ATR: variants seen among roughly 807,000 people sequenced by gnomAD.
The protein encoded by ATR is serine/threonine-protein kinase ATR.
ATR carries 142 observed loss-of-function variants against 305.3 expected under a neutral mutation model. The observed-to-expected ratio is 0.47, with a 90% CI of 0.41 to 0.53. The LOEUF (loss-of-function observed/expected upper bound fraction) is 0.53, where lower values mean the gene tolerates loss of function less well. Among genes scored for constraint, ATR ranks in the 20% least tolerant of loss-of-function variants. The pLI is 0.00. For synonymous variants in ATR, 1,050 were observed against 1,068.1 expected (o/e 0.98, Z 0.33); for missense variants, 2,135 against 3,133.1 (o/e 0.68, Z 7.60).
In ATR at chr3:142,513,658, A is replaced by G. The variant is rs778422870; in HGVS notation, c.4504-20T>C. 7.4e-6 allele frequency: 12 copies of G among 1,611,610 alleles called. No individual in the cohort carries two copies. The South Asian group carries it at 1.3e-4, about 18-fold the overall frequency. On this transcript the variant is annotated intron_variant, in intron 25 of 46. Coordinates refer to ENST00000350721, the MANE Select transcript of ATR (RefSeq NM_001184.4). ...TCGAACCTGTAAATGCAAAATGTGT[A>G]GACAGTAACACACTTTCACATATTG...
intron 16 of ATR, among the ~76,000 whole-genome samples, chr3:142,542,985 T>C (rs1452547253): frequency 1.3e-5 from 2 of 152,174 alleles, no homozygotes. Flanking sequence ...CGAAAAAATA[T>C]GATTAAACAG....
chr3:142,536,328 C>T, intron 19 of ATR, 127 bp from the exon 20 acceptor site: 2 of 689,478 alleles, frequency 2.9e-6, no homozygotes. Context: ...TACTGAGCTG[C>T]AAAGTATTTT....
chr3:142,532,281 T>C lies in ATR; in HGVS notation c.3945+2799A>G, dbSNP rs368724203. 8.5e-5 allele frequency among the ~76,000 whole-genome samples: 13 copies of C among 152,368 alleles called. No homozygotes were observed. In the East Asian group the frequency reaches 2.1e-3, roughly 25 times the overall value. ...ATTTTCAATAGCCTCTTCTCTTATG[T>C]GTAAACGTTAGTAAATGTCATTTTA... On this transcript the variant is annotated intron_variant, in intron 21 of 46. Transcript: ENST00000350721.
chr3:142,499,446 C>A (rs2031832747), intron 31 of ATR, among the ~76,000 whole-genome samples, 181 bp downstream of exon 31: 2 of 152,072 alleles, frequency 1.3e-5, no homozygotes, highest in African/African-American at 4.8e-5. Context: ...AGGCGCGTGC[C>A]ACCACGCCCA....
At position 142,559,454 on chromosome 3, in the gene ATR, C is replaced by T. The variant is rs781061193; in HGVS notation, c.1542-13G>A. The T allele has an allele frequency of 2.5e-6, 4 of 1,610,506 alleles. No homozygotes were observed. Among genetic ancestry groups the T allele is most frequent in the Non-Finnish European group, 3.4e-6 (4 of 1,177,550 alleles). On this transcript the variant is annotated splice_polypyrimidine_tract_variant and intron_variant, in intron 6 of 46. Transcript: ENST00000350721. The stretch of plus-strand genomic sequence containing the variant: ...CTTGAAAGTACGGCTGCAGTAAGTA[C>T]ATTTTGTTAAAAACATTGGAATTAA...
intron 36 of ATR, among the ~76,000 whole-genome samples, chr3:142,477,701 G>A (rs1020281980): frequency 6.6e-6 from 1 of 152,120 alleles, no homozygotes; most frequent in African/African-American, 2.4e-5. Flanking sequence ...GGTAGAATTC[G>A]GCTGTGAATC....
At chr3:142,534,587 T>G (rs2033784312) in intron 21 of ATR, among the ~76,000 whole-genome samples, 1 of 152,150 alleles carries the variant, frequency 6.6e-6, no homozygotes, top group African/African-American at 2.4e-5. Context: ...TAAATACCAG[T>G]TCTCACTATC....
At chr3:142,471,748 A>G (rs541634624) in intron 36 of ATR, among the ~76,000 whole-genome samples, 1 of 152,304 alleles carries the variant, frequency 6.6e-6, no homozygotes, top group South Asian at 2.1e-4. Context: ...TTTGTTGTGG[A>G]ATAAAATCTA....
chr3:142,505,441 A>T, intron 28 of ATR, 138 bp from the exon 29 acceptor site: 1 of 985,588 alleles, frequency 1.0e-6, no homozygotes, highest in Non-Finnish European at 1.5e-6. Flanking sequence ...CATTTGTTTC[A>T]TGGCAAAGTC....
chr3:142,497,950 A>C (rs957140399), intron 32 of ATR, among the ~76,000 whole-genome samples: 4 of 152,190 alleles, frequency 2.6e-5, no homozygotes, highest in Non-Finnish European at 4.4e-5. Context: ...TCAAGGTACA[A>C]GGATATAGCT....
Position 142,500,335 on chromosome 3 carries a change from T to C in ATR, c.5289-617A>G, listed in dbSNP as rs1287076761. On this transcript the variant is annotated intron_variant, in intron 30 of 46. Coordinates refer to ENST00000350721, the MANE Select transcript of ATR (RefSeq NM_001184.4). ...AAAATTTGAGTTTGCAAAACCAGTA[T>C]GATATAGGCTAATTATTTTGTTCTA... Among the ~76,000 whole-genome samples, 5 of 152,204 alleles carry C rather than the reference T, an allele frequency of 3.3e-5. No individual in the cohort carries two copies. The East Asian group carries it at 7.7e-4, about 23-fold the overall frequency.
intron 1 of ATR, among the ~76,000 whole-genome samples, chr3:142,578,078 T>A (rs1325315318): frequency 6.6e-6 from 1 of 152,192 alleles, no homozygotes; most frequent in African/African-American, 2.4e-5. Context: ...GGACGATCAA[T>A]ACGAGGGAGG....
chr3:142,473,568 C>A (rs2071351857), intron 36 of ATR, among the ~76,000 whole-genome samples: 1 of 147,544 alleles, frequency 6.8e-6, no homozygotes, highest in Non-Finnish European at 1.5e-5. Context: ...TTTTTAGAGA[C>A]ATAGTCTCAG....
intron 36 of ATR, among the ~76,000 whole-genome samples, chr3:142,484,083 C>A (rs867806562): frequency 6.6e-6 from 1 of 151,998 alleles, no homozygotes; most frequent in Non-Finnish European, 1.5e-5. Context: ...AATGTCAGGG[C>A]ACTTTAGGCC....
intron 46 of ATR, chr3:142,450,801 A>G: frequency 7.1e-7 from 1 of 1,415,420 alleles, no homozygotes. Flanking sequence ...AACATGTTCA[A>G]GTGGTCCAAC....
At chr3:142,486,447 GCCTT>G (rs2030930439) in intron 35 of ATR, among the ~76,000 whole-genome samples, 1 of 151,848 alleles carries the variant, frequency 6.6e-6, no homozygotes, top group Admixed American at 6.6e-5. Context: ...CTGTCTTCCT[GCCTT>G]CCTTTCTTCC....
chr3:142,570,651 G>T (rs1254625236), intron 1 of ATR, among the ~76,000 whole-genome samples: 1 of 152,208 alleles, frequency 6.6e-6, no homozygotes, highest in African/African-American at 2.4e-5. Context: ...GCCTCCCAAA[G>T]TGCTGGGATT....
chr3:142,529,570 T>C (rs1355843698), intron 21 of ATR, among the ~76,000 whole-genome samples: 2 of 152,188 alleles, frequency 1.3e-5, no homozygotes, highest in African/African-American at 2.4e-5. Flanking sequence ...ATCTCTTGAC[T>C]TAATGAAGCT....
chr3:142,459,747 G>A (rs1468714529), intron 42 of ATR, among the ~76,000 whole-genome samples: 1 of 152,006 alleles, frequency 6.6e-6, no homozygotes, highest in East Asian at 1.9e-4. Flanking sequence ...TGAGACTTGA[G>A]TATGTGTGGA....
Sources: allele counts gnomAD v4.1 joint callset (sites outside exome capture counted in the v4.1 genomes callset), GRCh38; gene constraint gnomAD v4.1.1; transcripts MANE v1.5; gene names NCBI Gene and HGNC (gene_info 2026-07-23, HGNC 2026-07-21).